Variants in XPR1 observed in about 807,000 individuals in gnomAD.
XPR1 encodes the protein xenotropic and polytropic retrovirus receptor 1.
A neutral mutation model predicts 87.5 loss-of-function variants in XPR1; 28 were observed. That is an observed-to-expected ratio of 0.32 (90% CI 0.24 to 0.44). The LOEUF is 0.44. Among genes scored for constraint, XPR1 ranks in the 20% least tolerant of loss-of-function variants. XPR1 has a pLI of 1.00. For synonymous variants in XPR1, 300 were observed against 306.1 expected (o/e 0.98, Z 0.21); for missense variants, 559 against 862.3 (o/e 0.65, Z 4.41).
At position 180,806,153 on chromosome 1, in the gene XPR1, T is replaced by C. The variant is rs748578140; in HGVS notation, c.539T>C (p.Val180Ala). ...SRGADWRVAH[V>A]EVAPFYTCKK... Reference sequence around the variant, plus strand: ...GGAGCAGATTGGCGAGTGGCTCACGTAGAGGTGGCCCCATTTTATACATGC... The same window carrying C: ...GGAGCAGATTGGCGAGTGGCTCACGCAGAGGTGGCCCCATTTTATACATGC... Residue 180 changes from valine (V) to alanine (A), a missense_variant, in exon 5 of 15, where the codon GTA becomes GCA. Coordinates refer to ENST00000367590, the MANE Select transcript of XPR1 (RefSeq NM_004736.4). The C allele has an allele frequency of 7.4e-6, 12 of 1,613,742 alleles. No individual in the cohort carries two copies. Among genetic ancestry groups the C allele is most frequent in the Non-Finnish European group, 1.0e-5 (12 of 1,179,754 alleles).
chr1:180,681,055 G>A (rs1656560795), intron 1 of XPR1, among the ~76,000 whole-genome samples: 1 of 152,192 alleles, frequency 6.6e-6, no homozygotes, highest in African/African-American at 2.4e-5. Flanking sequence ...TAGAGGCTGG[G>A]AAGGGAAGAG....
At chr1:180,661,735 C>T (rs936937542) in intron 1 of XPR1, among the ~76,000 whole-genome samples, 1 of 151,942 alleles carries the variant, frequency 6.6e-6, no homozygotes, top group Non-Finnish European at 1.5e-5. Context: ...ATTAGCTGGG[C>T]ATGGTGGCAC....
Position 180,806,577 on chromosome 1 carries a change from AGTTT to A in XPR1, c.681+26_681+29del. 6.2e-6 allele frequency: 10 copies of A among 1,601,264 alleles called. No individual in the cohort carries two copies. The highest frequency in any genetic ancestry group is 8.5e-6 in the Non-Finnish European group (10 of 1,170,746). On this transcript the variant is annotated intron_variant, in intron 6 of 14. Transcript: ENST00000367590. ...GCTCAGGTTAGTATTTGGTTCCAGT[AGTTT>A]GTTTGGTTTCACCTATTTAATAATC...
At chr1:180,770,194 T>TA (rs1648456905) in intron 2 of XPR1, among the ~76,000 whole-genome samples, 1 of 152,200 alleles carries the variant, frequency 6.6e-6, no homozygotes, top group Non-Finnish European at 1.5e-5. Flanking sequence ...TTCTTTCAGT[T>TA]ACATGTTTAA....
intron 2 of XPR1, among the ~76,000 whole-genome samples, chr1:180,705,493 G>A (rs1185731092): frequency 6.6e-6 from 1 of 152,112 alleles, no homozygotes; most frequent in Non-Finnish European, 1.5e-5. Flanking sequence ...ATTTTCTCTT[G>A]TTCCACAATT....
At chr1:180,647,018 T>C (rs1655141999) in intron 1 of XPR1, among the ~76,000 whole-genome samples, 1 of 152,248 alleles carries the variant, frequency 6.6e-6, no homozygotes, top group Non-Finnish European at 1.5e-5. Context: ...CTAATGTTAA[T>C]CTGTAATTGC....
At chr1:180,686,671 C>T (rs1002382565) in intron 2 of XPR1, among the ~76,000 whole-genome samples, 6 of 152,062 alleles carry the variant, frequency 3.9e-5, no homozygotes, top group African/African-American at 7.2e-5. Flanking sequence ...AAATATATAT[C>T]GAGAATATTC....
intron 12 of XPR1, among the ~76,000 whole-genome samples, chr1:180,866,784 C>A (rs1371338585): frequency 6.7e-6 from 1 of 149,814 alleles, no homozygotes; most frequent in Non-Finnish European, 1.5e-5. Flanking sequence ...TAACACTATA[C>A]ACATATTAGT....
chr1:180,836,375 C>A (rs1053339775), intron 10 of XPR1, 147 bp from the exon 11 acceptor site: 1 of 830,172 alleles, frequency 1.2e-6, no homozygotes, highest in Non-Finnish European at 1.8e-6. Flanking sequence ...AAAAGAAAAT[C>A]TTGAGAATAT....
chr1:180,696,204 G>GTATATATATA (rs1280091948), intron 2 of XPR1, among the ~76,000 whole-genome samples: 22 of 102,396 alleles, frequency 2.1e-4, no homozygotes, highest in South Asian at 3.4e-4. Context: ...GTGTGTGTGT[G>GTATATATATA]TGTGTATATA....
intron 2 of XPR1, among the ~76,000 whole-genome samples, chr1:180,702,402 A>G (rs1298529713): frequency 6.6e-6 from 1 of 150,406 alleles, no homozygotes; most frequent in South Asian, 2.1e-4. Flanking sequence ...GCTGAAAAAA[A>G]TGTATATTCT....
In XPR1 at chr1:180,818,710, T is replaced by C. The variant is rs547367893; in HGVS notation, c.764-6043T>C. Among the ~76,000 whole-genome samples the C allele has an allele frequency of 5.9e-5, 9 of 152,304 alleles. No individual in the cohort carries two copies. The South Asian group carries it at 1.9e-3, about 32-fold the overall frequency. On this transcript the variant is annotated intron_variant, in intron 7 of 14. Coordinates refer to ENST00000367590, the MANE Select transcript of XPR1 (RefSeq NM_004736.4). The stretch of plus-strand genomic sequence containing the variant: ...ATGATATACTTATTCTTAAAAATGA[T>C]ACTAATTTGTTTTTTGATTCCCTGG...
intron 2 of XPR1, among the ~76,000 whole-genome samples, chr1:180,725,372 G>T (rs1323965586): frequency 1.8e-4 from 28 of 152,166 alleles, no homozygotes; most frequent in Non-Finnish European, 2.9e-5. Flanking sequence ...GGGAGTAAAG[G>T]GTAAAAATTT....
In XPR1 at chr1:180,676,940, G is replaced by A. The variant is rs1222117023; in HGVS notation, c.70-5420G>A. ...CTGTGGTGTGGTGTTTTTTGTTTTT[G>A]GGTGGGGTGGGGTACTGGTTTGAAC... On this transcript the variant is annotated intron_variant, in intron 1 of 14. Transcript: ENST00000367590. Among the ~76,000 whole-genome samples, 3 of 152,086 alleles carry A rather than the reference G, an allele frequency of 2.0e-5. No individual in the cohort carries two copies. In the South Asian group the frequency reaches 6.2e-4, roughly 32 times the overall value.
intron 1 of XPR1, among the ~76,000 whole-genome samples, chr1:180,646,093 C>T (rs1195204597): frequency 6.6e-6 from 1 of 152,208 alleles, no homozygotes; most frequent in Non-Finnish European, 1.5e-5. Flanking sequence ...ACTTGTCAAC[C>T]TGGATTCCAT....
rs187978740 is a variant in XPR1, at chr1:180,829,247, A to G, written c.1134+3903A>G. Reference sequence around the variant, plus strand: ...AAGAGGATGTTAACATGTTCTTTGTAATAATTTAGTGGCTTTTTTGTGTAG... The same window carrying G: ...AAGAGGATGTTAACATGTTCTTTGTGATAATTTAGTGGCTTTTTTGTGTAG... On this transcript the variant is annotated intron_variant, in intron 9 of 14. Coordinates refer to ENST00000367590, the MANE Select transcript of XPR1 (RefSeq NM_004736.4). 4.0e-3 allele frequency among the ~76,000 whole-genome samples: 604 copies of G among 152,290 alleles called. 2 individuals carry two copies. The highest frequency in any genetic ancestry group is 6.8e-3 in the Non-Finnish European group (463 of 68,022).
At chr1:180,636,113 AT>A (rs1654749394) in intron 1 of XPR1, among the ~76,000 whole-genome samples, 1 of 152,228 alleles carries the variant, frequency 6.6e-6, no homozygotes, top group South Asian at 2.1e-4. Context: ...CTACACTTCC[AT>A]TATATTCAGG....
At chr1:180,658,858 T>C (rs1242584019) in intron 1 of XPR1, among the ~76,000 whole-genome samples, 1 of 152,010 alleles carries the variant, frequency 6.6e-6, no homozygotes, top group Non-Finnish European at 1.5e-5. Context: ...AGTGAGCCAC[T>C]GCACCCGGCC....
At chr1:180,679,941 A>G (rs1371407526) in intron 1 of XPR1, among the ~76,000 whole-genome samples, 1 of 152,174 alleles carries the variant, frequency 6.6e-6, no homozygotes, top group East Asian at 1.9e-4. Context: ...ACAGAGTGAA[A>G]AAAGAACCTA....
Sources: allele counts gnomAD v4.1 joint callset (sites outside exome capture counted in the v4.1 genomes callset), GRCh38; gene constraint gnomAD v4.1.1; transcripts MANE v1.5; gene names NCBI Gene and HGNC (gene_info 2026-07-23, HGNC 2026-07-21).